HNF4G: variants seen among roughly 807,000 people sequenced by gnomAD.
HNF4G encodes hepatocyte nuclear factor 4 gamma, also known as hepatocyte nuclear factor 4-gamma.
A neutral mutation model predicts 50.9 loss-of-function variants in HNF4G; 21 were observed. That is an observed-to-expected ratio of 0.41 (90% CI 0.29 to 0.59). The LOEUF (loss-of-function observed/expected upper bound fraction) is 0.59, where lower values mean the gene tolerates loss of function less well. Ranked by LOEUF, HNF4G falls within the 20% of genes least tolerant of loss-of-function variation. The pLI is 0.26. For synonymous variants in HNF4G, 198 were observed against 185.6 expected, an observed-to-expected ratio of 1.07 and a Z score of -0.54; for missense variants, 527 against 559.4, an observed-to-expected ratio of 0.94 and a Z score of 0.58.
chr8:75,494,457 T>G (rs1038279924), intron 2 of HNF4G, among the ~76,000 whole-genome samples: 5 of 151,762 alleles, frequency 3.3e-5, no homozygotes, highest in Admixed American at 1.3e-4. Context: ...ATAAGGTCTT[T>G]TATTACAGTT....
chr8:75,460,038 T>C (rs1380691), intron 1 of HNF4G, among the ~76,000 whole-genome samples: 9,970 of 151,860 alleles, frequency 0.066, 561 homozygotes, highest in African/African-American at 0.15. Flanking sequence ...GTATGATGAT[T>C]CTGTATAAAG....
intron 3 of HNF4G, among the ~76,000 whole-genome samples, chr8:75,548,877 G>C (rs1270548612): frequency 1.3e-5 from 2 of 152,144 alleles, no homozygotes; most frequent in Admixed American, 6.5e-5. Flanking sequence ...GCTCAGGTTG[G>C]TAGTGTCGAA....
chr8:75,411,941 G>A (rs1810513717), intron 1 of HNF4G, among the ~76,000 whole-genome samples: 1 of 152,188 alleles, frequency 6.6e-6, no homozygotes, highest in African/African-American at 2.4e-5. Flanking sequence ...CTGGCACATT[G>A]AGTACCAGGT....
chr8:75,439,479 T>C (rs1399271389), intron 1 of HNF4G, among the ~76,000 whole-genome samples: 2 of 152,052 alleles, frequency 1.3e-5, no homozygotes, highest in Middle Eastern at 3.2e-3. Flanking sequence ...CTCATCATAA[T>C]AATCTAAAAA....
intron 2 of HNF4G, among the ~76,000 whole-genome samples, chr8:75,509,291 G>C (rs960459116): frequency 6.6e-6 from 1 of 152,162 alleles, no homozygotes; most frequent in Non-Finnish European, 1.5e-5. Context: ...ACATGACAAA[G>C]AAGTAGAAGG....
At position 75,564,272 on chromosome 8, in the gene HNF4G, A is replaced by G; in HGVS notation, c.*176A>G. The G allele has an allele frequency of 1.6e-6, 1 of 607,532 alleles. No homozygotes were observed. Among genetic ancestry groups the G allele is most frequent in the South Asian group, 2.4e-5 (1 of 42,384 alleles). The allele number at this position is 607,532 out of a possible 1,614,324, so 37.6% of individuals were successfully genotyped here. On this transcript the variant is annotated 3_prime_UTR_variant, in exon 10 of 10. Transcript: ENST00000396423. Reference sequence around the variant, plus strand: ...ATTCTGTTTGTTATTGCTACTATGTAAAACTTTCACATGCAACCAATGTAT... The same window carrying G: ...ATTCTGTTTGTTATTGCTACTATGTGAAACTTTCACATGCAACCAATGTAT...
rs760108610 is a variant in HNF4G at position 75,540,049 on chromosome 8, T to C, written c.87T>C (p.Phe29=). 2.5e-6 allele frequency: 4 copies of C among 1,602,532 alleles called. No individual in the cohort carries two copies. In the South Asian group the frequency reaches 3.3e-5, roughly 13 times the overall value. The change falls in exon 1 of 10, where the codon TTT becomes TTC. Residue 29 remains phenylalanine (F), a synonymous_variant. Transcript: ENST00000396423. ...VLDPTYTTLE[F]ETMQILYNSS... ...ACCCAACTTACACAACTTTGGAGTT[T>C]GAAACTATGCAGATTCTATATAATT...
rs1232299301 is a variant in HNF4G, at chr8:75,414,297, T to G, written c.-144+6135T>G. On this transcript the variant is annotated intron_variant, in intron 1 of 10. Coordinates refer to the HNF4G transcript ENST00000354370. ...TTATGTCTTTTTTTTTAATTTAGCATAATTATTTTGAGATTCATTCATCTT... is the reference window on the plus strand; with the variant it reads ...TTATGTCTTTTTTTTTAATTTAGCAGAATTATTTTGAGATTCATTCATCTT... Among the ~76,000 whole-genome samples the G allele has an allele frequency of 2.0e-5, 3 of 152,094 alleles. No individual in the cohort carries two copies. The South Asian group carries it at 6.2e-4, about 32-fold the overall frequency.
intron 1 of HNF4G, among the ~76,000 whole-genome samples, chr8:75,453,825 T>C (rs1194381800): frequency 6.6e-6 from 1 of 152,160 alleles, no homozygotes; most frequent in Non-Finnish European, 1.5e-5. Context: ...AAATAATATA[T>C]ATCACACAAG....
chr8:75,423,885 G>A (rs1231513635), intron 1 of HNF4G, among the ~76,000 whole-genome samples: 1 of 138,884 alleles, frequency 7.2e-6, no homozygotes, highest in Non-Finnish European at 1.5e-5. Flanking sequence ...GTGCAGTGGG[G>A]TGATCTTGGT....
chr8:75,438,732 T>G (rs1477445109), intron 1 of HNF4G, among the ~76,000 whole-genome samples: 1 of 152,140 alleles, frequency 6.6e-6, no homozygotes, highest in Non-Finnish European at 1.5e-5. Flanking sequence ...ACAATATATA[T>G]AAAAGAATTA....
chr8:75,421,489 A>G (rs1259170680), intron 1 of HNF4G, among the ~76,000 whole-genome samples: 1 of 152,198 alleles, frequency 6.6e-6, no homozygotes, highest in Admixed American at 6.5e-5. Flanking sequence ...ATTTTCTGGC[A>G]TTTACGAAAA....
Position 75,529,474 on chromosome 8 carries a change from ATCTTTAT to A in HNF4G, c.-23-14331_-23-14325del, listed in dbSNP as rs565330114. Among the ~76,000 whole-genome samples the A allele has an allele frequency of 1.2e-4, 19 of 152,282 alleles. No individual in the cohort carries two copies. In the South Asian group the frequency reaches 3.7e-3, roughly 30 times the overall value. On this transcript the variant is annotated intron_variant, in intron 2 of 10. Transcript: ENST00000354370. Reference sequence around the variant, plus strand: ...GCTGTAGGCAAAAAAAATGGGATATATCTTTATTCTTTGACTTTCTAGAAATGCCACT... The same window carrying A: ...GCTGTAGGCAAAAAAAATGGGATATATCTTTGACTTTCTAGAAATGCCACT...
At chr8:75,447,769 A>G (rs1369940844) in intron 1 of HNF4G, among the ~76,000 whole-genome samples, 5 of 138,580 alleles carry the variant, frequency 3.6e-5, no homozygotes, top group Non-Finnish European at 7.8e-5. Context: ...CAATCATTAA[A>G]AAGTCAGGAA....
intron 2 of HNF4G, among the ~76,000 whole-genome samples, chr8:75,534,341 G>A (rs1269463017): frequency 1.5e-5 from 2 of 136,228 alleles, no homozygotes; most frequent in South Asian, 2.4e-4. Flanking sequence ...TTCTGAAAAG[G>A]AGAGTCTGCT....
intron 2 of HNF4G, among the ~76,000 whole-genome samples, chr8:75,520,869 G>T (rs993546184): frequency 6.6e-6 from 1 of 151,876 alleles, no homozygotes; most frequent in African/African-American, 2.4e-5. Context: ...TTCTATAAAG[G>T]TAGCTTACTT....
intron 1 of HNF4G, among the ~76,000 whole-genome samples, chr8:75,474,628 G>A (rs1055676315): frequency 1.3e-5 from 2 of 152,020 alleles, no homozygotes; most frequent in Non-Finnish European, 2.9e-5. Context: ...TGAATTCAGA[G>A]GAAATTCAGA....
At chr8:75,545,346 G>A (rs1009580638) in intron 2 of HNF4G, among the ~76,000 whole-genome samples, 1 of 151,808 alleles carries the variant, frequency 6.6e-6, no homozygotes, top group Non-Finnish European at 1.5e-5. Flanking sequence ...GAGGACTTCT[G>A]TCCTTTCTTT....
intron 1 of HNF4G, among the ~76,000 whole-genome samples, chr8:75,487,999 C>T (rs933641247): frequency 1.6e-4 from 24 of 152,120 alleles, no homozygotes; most frequent in East Asian, 5.8e-4. Context: ...CTCACTATCA[C>T]GAGAATAGCA....
Sources: allele counts gnomAD v4.1 joint callset (sites outside exome capture counted in the v4.1 genomes callset), GRCh38; gene constraint gnomAD v4.1.1; transcripts MANE v1.5; gene names NCBI Gene and HGNC (gene_info 2026-07-23, HGNC 2026-07-21).